Variants in OGDHL observed in about 807,000 individuals in gnomAD.
OGDHL encodes oxoglutarate dehydrogenase L, also known as 2-oxoglutarate dehydrogenase-like, mitochondrial.
A neutral mutation model predicts 109.6 loss-of-function variants in OGDHL; 79 were observed. The ratio of observed to expected loss-of-function variants is 0.72; its 90% CI spans 0.60 to 0.87. OGDHL has a LOEUF of 0.87. Ranked by LOEUF, OGDHL falls within the 40% of genes least tolerant of loss-of-function variation. OGDHL has a pLI of 0.00. For synonymous variants in OGDHL, 528 were observed against 537.2 expected, an observed-to-expected ratio of 0.98 and a Z score of 0.24; for missense variants, 1,275 against 1,362.2, an observed-to-expected ratio of 0.94 and a Z score of 1.01.
chr10:49,744,660 G>A lies in OGDHL; in HGVS notation c.1722C>T (p.Ser574=), dbSNP rs763591114. The change falls in exon 13 of 23, where the codon TCC becomes TCT. Residue 574 remains serine (S), a synonymous_variant. Coordinates refer to ENST00000374103, the MANE Select transcript of OGDHL (RefSeq NM_018245.3). Reference sequence around the variant, plus strand: ...ACACTGCTCGCTCACCAGGCCAGGGGGAGTCCAACCAGTGCTTTATATGCA... The same window carrying A: ...ACACTGCTCGCTCACCAGGCCAGGGAGAGTCCAACCAGTGCTTTATATGCA... ...KILHIKHWLD[S]PWPGFFNVDG... The A allele has an allele frequency of 3.7e-6, 6 of 1,613,820 alleles. No individual in the cohort carries two copies. Among genetic ancestry groups the A allele is most frequent in the East Asian group, 4.5e-5 (2 of 44,900 alleles).
At chr10:49,748,262 G>C (rs1438299826) in intron 8 of OGDHL, among the ~76,000 whole-genome samples, 5 of 152,228 alleles carry the variant, frequency 3.3e-5, no homozygotes, top group Admixed American at 6.5e-5. Context: ...TGTGCAGGCA[G>C]GAAACAATGA....
chr10:49,745,358 G>A lies in OGDHL; in HGVS notation c.1615C>T (p.Leu539=). ...TGCCTGCCCACCTCAAACTCCTGCAGGGTGACTGTGCCCTCGGCAATCAGC... is the reference window on the plus strand; with the variant it reads ...TGCCTGCCCACCTCAAACTCCTGCAAGGTGACTGTGCCCTCGGCAATCAGC... ...DKLIAEGTVT[L]QEFEEEIAKY... is the part of the protein sequence containing the mutation. Residue 539 remains leucine (L), a synonymous_variant, in exon 12 of 23, where the codon CTG becomes TTG. Coordinates refer to ENST00000374103, the MANE Select transcript of OGDHL (RefSeq NM_018245.3). 1 of 1,613,838 alleles carries A rather than the reference G, an allele frequency of 6.2e-7. No homozygotes were observed. Among genetic ancestry groups the A allele is most frequent in the Non-Finnish European group, 8.5e-7 (1 of 1,180,012 alleles).
chr10:49,741,985 CCACA>C (rs976912393), intron 15 of OGDHL, among the ~76,000 whole-genome samples: 1 of 78,286 alleles, frequency 1.3e-5, no homozygotes, highest in African/African-American at 3.2e-5. Flanking sequence ...ACACACACAA[CCACA>C]CACACCCCAC....
chr10:49,748,764 AC>A (rs1405467528), intron 8 of OGDHL, among the ~76,000 whole-genome samples: 3 of 146,884 alleles, frequency 2.0e-5, no homozygotes, highest in Admixed American at 6.8e-5. Flanking sequence ...ACACACACAC[AC>A]ACACACACAC....
intron 3 of OGDHL, among the ~76,000 whole-genome samples, chr10:49,755,080 C>T (rs1327447163): frequency 6.6e-6 from 1 of 152,162 alleles, no homozygotes; most frequent in African/African-American, 2.4e-5. Flanking sequence ...CCCGTCTCCA[C>T]TGAAAACACA....
rs1175305127 is a variant in OGDHL, at chr10:49,756,775, C to A, written c.375+1G>T. Reference sequence around the variant, plus strand: ...CAGGCTGTGCCTCAGCTGCCCCTCACCTGGTAGGCCCGGATCAGGGACTGC... The same window carrying A: ...CAGGCTGTGCCTCAGCTGCCCCTCAACTGGTAGGCCCGGATCAGGGACTGC... On this transcript the variant is annotated splice_donor_variant, in intron 3 of 22. Transcript: ENST00000374103. LOFTEE classifies it high-confidence loss of function. 2.5e-6 allele frequency: 4 copies of A among 1,611,592 alleles called. No individual in the cohort carries two copies. Among genetic ancestry groups the A allele is most frequent in the Non-Finnish European group, 2.5e-6 (3 of 1,178,638 alleles).
In OGDHL at chr10:49,736,514, C is replaced by G; in HGVS notation, c.2597G>C (p.Ser866Thr). ...ATCTTCAGGAATCACCCGCTGGAAG[C>G]TGGTCCCTGAGGGACCAACAGGACA... The part of the protein sequence containing the change: ...SSFDQMVSGT[S>T]FQRVIPEDGA... Residue 866 changes from serine to threonine, a missense_variant, in exon 21 of 23, where the codon AGC (serine) becomes ACC (threonine). Physicochemically the swap from Ser to Thr is moderately conservative, Grantham distance 58. Coordinates refer to ENST00000374103, the MANE Select transcript of OGDHL (RefSeq NM_018245.3). The G allele has an allele frequency of 1.2e-6, 2 of 1,613,126 alleles. No homozygotes were observed. Among genetic ancestry groups the G allele is most frequent in the Non-Finnish European group, 1.7e-6 (2 of 1,179,928 alleles).
At chr10:49,738,563 C>T in intron 17 of OGDHL, 1 of 449,432 alleles carries the variant, frequency 2.2e-6, no homozygotes, top group Non-Finnish European at 4.1e-6. Flanking sequence ...CTGCCACTGA[C>T]TGAGCACCTG....
rs1287918887 is a variant in OGDHL at position 49,751,722 on chromosome 10, C to T, written c.749+105G>A. 8 of 1,430,288 alleles carry T rather than the reference C, an allele frequency of 5.6e-6. No individual in the cohort carries two copies. The African/African-American group carries it at 1.1e-4, about 20-fold the overall frequency. The allele number at this position is 1,430,288 out of a possible 1,614,324, so 88.6% of individuals were successfully genotyped here. ...AGCCAGTGGTGAGGCCGATCCAGTC[C>T]TGCCTTCCTGTGGTACCCTCCTGCT... On this transcript the variant is annotated intron_variant, in intron 6 of 22. Coordinates refer to ENST00000374103, the MANE Select transcript of OGDHL (RefSeq NM_018245.3).
At chr10:49,749,910 C>G (rs1842469100) in intron 7 of OGDHL, 94 bp from the exon 8 acceptor site, 2 of 1,028,748 alleles carry the variant, frequency 1.9e-6, no homozygotes, top group African/African-American at 3.2e-5. Flanking sequence ...CCTAATACAG[C>G]CCCTTCGTGC....
At chr10:49,742,171 C>T (rs1207475880) in intron 15 of OGDHL, among the ~76,000 whole-genome samples, 5 of 130,726 alleles carry the variant, frequency 3.8e-5, no homozygotes, top group East Asian at 2.6e-4. Flanking sequence ...ACACCATACA[C>T]GCCCCACACA....
chr10:49,746,724 G>C (rs1842209304), intron 10 of OGDHL, 26 bp downstream of exon 10: 4 of 1,611,460 alleles, frequency 2.5e-6, no homozygotes, highest in Non-Finnish European at 3.4e-6. Context: ...ACGCTGTGAG[G>C]CCCAGCGTGG....
intron 7 of OGDHL, 44 bp from the exon 8 acceptor site, chr10:49,749,860 G>T (rs762369011): frequency 2.6e-6 from 4 of 1,519,942 alleles, no homozygotes; most frequent in Non-Finnish European, 3.6e-6. Flanking sequence ...AAGCCCGCAG[G>T]CCTCAGGGTT....
chr10:49,761,988 G>GC (rs1009947701), intron 1 of OGDHL, among the ~76,000 whole-genome samples: 1 of 152,174 alleles, frequency 6.6e-6, no homozygotes, highest in Non-Finnish European at 1.5e-5. Context: ...CCGCTCCTCT[G>GC]CGCAGGACCC....
intron 3 of OGDHL, among the ~76,000 whole-genome samples, chr10:49,753,894 A>G (rs2133081271): frequency 6.6e-6 from 1 of 151,270 alleles, no homozygotes; most frequent in South Asian, 2.1e-4. Flanking sequence ...CATCTAAAAA[A>G]AAAAAAAAAA....
intron 1 of OGDHL, among the ~76,000 whole-genome samples, chr10:49,761,334 C>CCA (rs1843262065): frequency 1.3e-5 from 2 of 152,286 alleles, no homozygotes; most frequent in African/African-American, 4.8e-5. Flanking sequence ...ACTAAGACTC[C>CCA]CACACACACA....
At position 49,742,789 on chromosome 10, in the gene OGDHL, C is replaced by T. The variant is rs552860256; in HGVS notation, c.2012+39G>A. ...CCCAAGCCAGGCCCAGCTTCTGCTC[C>T]AGGTCTCCTGTGCGGATGCTGAGCC... On this transcript the variant is annotated intron_variant, in intron 15 of 22. Coordinates refer to ENST00000374103, the MANE Select transcript of OGDHL (RefSeq NM_018245.3). 4.4e-6 allele frequency: 7 copies of T among 1,589,794 alleles called. No homozygotes were observed. The East Asian group carries it at 1.4e-4, about 31-fold the overall frequency.
intron 1 of OGDHL, among the ~76,000 whole-genome samples, chr10:49,761,972 G>A (rs1486631684): frequency 6.6e-6 from 1 of 152,188 alleles, no homozygotes; most frequent in Admixed American, 6.5e-5. Context: ...AACCCACCGC[G>A]AGCACCCGCT....
chr10:49,758,649 C>G lies in OGDHL; in HGVS notation c.-1-56G>C, dbSNP rs759594781. On this transcript the variant is annotated intron_variant, in intron 1 of 22. Coordinates refer to ENST00000374103, the MANE Select transcript of OGDHL (RefSeq NM_018245.3). ...ATGGCAGGACCAAGACAGGAAGAGG[C>G]TCTACCAAGCCACTGTCCGCTCATC... The G allele has an allele frequency of 4.3e-5, 66 of 1,550,354 alleles. 1 individual carries two copies. In the Admixed American group the frequency reaches 1.2e-3, roughly 28 times the overall value.
Sources: allele counts gnomAD v4.1 joint callset (sites outside exome capture counted in the v4.1 genomes callset), GRCh38; gene constraint gnomAD v4.1.1; transcripts MANE v1.5; gene names NCBI Gene and HGNC (gene_info 2026-07-23, HGNC 2026-07-21).